Variants in AUTS2 observed in about 807,000 individuals in gnomAD.
AUTS2 encodes autism susceptibility gene 2 protein.
AUTS2 carries 17 observed loss-of-function variants against 112.4 expected under a neutral mutation model. The observed-to-expected ratio is 0.15, with a 90% CI of 0.10 to 0.23. The LOEUF (loss-of-function observed/expected upper bound fraction) is 0.23, where lower values mean the gene tolerates loss of function less well. Among genes scored for constraint, AUTS2 ranks in the 10% least tolerant of loss-of-function variants. AUTS2 has a pLI of 1.00. For synonymous variants in AUTS2, 751 were observed against 702.7 expected (o/e 1.07, Z -1.09); for missense variants, 1,510 against 1,701.6 (o/e 0.89, Z 1.98).
chr7:70,512,945 C>T (rs1433233065), intron 5 of AUTS2, among the ~76,000 whole-genome samples: 1 of 152,028 alleles, frequency 6.6e-6, no homozygotes, highest in Admixed American at 6.5e-5. Flanking sequence ...TCAGGCAGAT[C>T]CAGCAGTTCC....
At chr7:70,177,879 G>A (rs1283199748) in intron 4 of AUTS2, among the ~76,000 whole-genome samples, 1 of 148,518 alleles carries the variant, frequency 6.7e-6, no homozygotes, top group African/African-American at 2.5e-5. Flanking sequence ...TTAGTGGTTT[G>A]TGGTTGACTG....
At chr7:70,165,210 G>C (rs1252779952) in intron 4 of AUTS2, among the ~76,000 whole-genome samples, 1 of 152,136 alleles carries the variant, frequency 6.6e-6, no homozygotes, top group East Asian at 1.9e-4. Flanking sequence ...CATTGCCATA[G>C]AAAATTTCCT....
chr7:70,241,644 A>G lies in AUTS2; in HGVS notation c.660+107073A>G, dbSNP rs145659069. ...GGAGAGAAGCATGAATTCCTTAATA[A>G]GTCCCAAAGGTAATCAAAAGAAAGA... On this transcript the variant is annotated intron_variant, in intron 4 of 18. Transcript: ENST00000342771. Among the ~76,000 whole-genome samples the G allele has an allele frequency of 3.6e-3, 543 of 152,308 alleles. 3 individuals are homozygous for G. The highest frequency in any genetic ancestry group is 0.012 in the African/African-American group (518 of 41,582).
intron 5 of AUTS2, among the ~76,000 whole-genome samples, chr7:70,468,699 C>T (rs901042267): frequency 7.9e-5 from 12 of 152,064 alleles, no homozygotes; most frequent in Non-Finnish European, 1.5e-4. Flanking sequence ...ATCCTAGACC[C>T]GGTCAGCATG....
intron 5 of AUTS2, among the ~76,000 whole-genome samples, chr7:70,693,675 G>A (rs1808875600): frequency 6.6e-6 from 1 of 152,224 alleles, no homozygotes; most frequent in Non-Finnish European, 1.5e-5. Context: ...TTACCACTGA[G>A]CCCTCACAAC....
chr7:70,518,408 T>A (rs1285683997), intron 5 of AUTS2, among the ~76,000 whole-genome samples: 2 of 152,002 alleles, frequency 1.3e-5, no homozygotes, highest in African/African-American at 4.8e-5. Flanking sequence ...TTGGGCTGGG[T>A]GCGGTGGCTC....
intron 6 of AUTS2, among the ~76,000 whole-genome samples, chr7:70,702,921 C>T (rs1227692017): frequency 1.3e-5 from 2 of 152,092 alleles, no homozygotes; most frequent in East Asian, 1.9e-4. Flanking sequence ...GAGGTTGGAG[C>T]CTTTAGGTTA....
intron 4 of AUTS2, among the ~76,000 whole-genome samples, chr7:70,172,022 G>A (rs140414734): frequency 2.6e-3 from 392 of 152,118 alleles, no homozygotes; most frequent in Non-Finnish European, 4.6e-3. Flanking sequence ...TCTGCCCTGA[G>A]TTTCTCTCCA....
chr7:69,630,976 A>G (rs1794205028), intron 1 of AUTS2, among the ~76,000 whole-genome samples: 2 of 150,458 alleles, frequency 1.3e-5, no homozygotes, highest in South Asian at 2.1e-4. Context: ...TTACTCATTT[A>G]TCCACGTCTT....
At chr7:70,110,531 TAAAC>T (rs1433390684) in intron 2 of AUTS2, among the ~76,000 whole-genome samples, 3 of 152,076 alleles carry the variant, frequency 2.0e-5, no homozygotes, top group African/African-American at 4.8e-5. Flanking sequence ...AATAAATAAA[TAAAC>T]AAATAAATAA....
intron 5 of AUTS2, among the ~76,000 whole-genome samples, chr7:70,674,170 C>T (rs150162277): frequency 6.6e-5 from 10 of 151,986 alleles, no homozygotes; most frequent in Middle Eastern, 3.4e-3. Flanking sequence ...GCTAAAGGGG[C>T]GGTGGGGGAG....
chr7:69,660,873 G>A (rs997161931), intron 1 of AUTS2, among the ~76,000 whole-genome samples: 3 of 152,240 alleles, frequency 2.0e-5, no homozygotes, highest in Admixed American at 2.0e-4. Context: ...GGCGGAGCTT[G>A]CGGTGAGCTG....
chr7:70,639,160 C>T (rs930986017), intron 5 of AUTS2, among the ~76,000 whole-genome samples: 3 of 152,142 alleles, frequency 2.0e-5, no homozygotes, highest in Non-Finnish European at 2.9e-5. Flanking sequence ...TACCACTCCC[C>T]GCTGCCGCCG....
chr7:69,928,322 C>T (rs941970459), intron 2 of AUTS2, among the ~76,000 whole-genome samples: 1 of 152,234 alleles, frequency 6.6e-6, no homozygotes, highest in African/African-American at 2.4e-5. Context: ...CCACTCAGAA[C>T]TGGCAGCCCA....
At chr7:70,635,190 A>G (rs537873234) in intron 5 of AUTS2, among the ~76,000 whole-genome samples, 1 of 152,152 alleles carries the variant, frequency 6.6e-6, no homozygotes, top group Non-Finnish European at 1.5e-5. Context: ...GCATTGCTCG[A>G]CAGGGCATCT....
At chr7:70,672,037 G>A (rs1270214429) in intron 5 of AUTS2, among the ~76,000 whole-genome samples, 1 of 152,234 alleles carries the variant, frequency 6.6e-6, no homozygotes, top group Non-Finnish European at 1.5e-5. Flanking sequence ...AACTGGGTTT[G>A]GAGTTAGGGA....
At chr7:70,553,156 A>G (rs1044781511) in intron 5 of AUTS2, among the ~76,000 whole-genome samples, 1 of 152,210 alleles carries the variant, frequency 6.6e-6, no homozygotes, top group Non-Finnish European at 1.5e-5. Flanking sequence ...GACCGTAAGC[A>G]GTGGAAATCC....
At chr7:70,728,945 C>G (rs1787194995) in intron 6 of AUTS2, among the ~76,000 whole-genome samples, 1 of 152,074 alleles carries the variant, frequency 6.6e-6, no homozygotes, top group Admixed American at 6.5e-5. Flanking sequence ...AATGTCTCCT[C>G]TCCTCCCAGT....
chr7:70,300,581 C>A (rs1409355221), intron 4 of AUTS2, among the ~76,000 whole-genome samples: 3 of 152,134 alleles, frequency 2.0e-5, no homozygotes, highest in African/African-American at 7.2e-5. Context: ...TTTACTAGTA[C>A]ATGTTTGTAG....
Sources: allele counts gnomAD v4.1 joint callset (sites outside exome capture counted in the v4.1 genomes callset), GRCh38; gene constraint gnomAD v4.1.1; transcripts MANE v1.5; gene names NCBI Gene and HGNC (gene_info 2026-07-23, HGNC 2026-07-21).